The following EYS variants were observed in gnomAD, a reference collection of about 807,000 sequenced individuals.
EYS encodes EGF-like photoreceptor maintenance factor.
A neutral mutation model predicts 282.1 loss-of-function variants in EYS; 250 were observed. That is an observed-to-expected ratio of 0.89 (90% confidence interval 0.80 to 0.98). EYS has a LOEUF of 0.98. Ranked by LOEUF, EYS falls within the 50% of genes least tolerant of loss-of-function variation. EYS has a pLI of 0.00. For missense variants in EYS, 4,016 were observed against 3,709.0 expected, an observed-to-expected ratio of 1.08 and a Z score of -2.15; for synonymous variants, 1,355 against 1,282.9, an observed-to-expected ratio of 1.06 and a Z score of -1.20.
At chr6:65,235,238 G>T (rs764183907) in intron 12 of EYS, among the ~76,000 whole-genome samples, 2 of 152,112 alleles carry the variant, frequency 1.3e-5, no homozygotes, top group Admixed American at 6.6e-5. Flanking sequence ...TAGTATAACT[G>T]ATTTACTTTG....
At chr6:64,915,778 T>C (rs16896022) in intron 15 of EYS, among the ~76,000 whole-genome samples, 2,471 of 152,292 alleles carry the variant, frequency 0.016, 58 homozygotes, top group African/African-American at 0.057. Context: ...CTTTGAAATA[T>C]GTAGAAGAGA....
intron 33 of EYS, among the ~76,000 whole-genome samples, chr6:64,042,576 T>C (rs1008638479): frequency 6.6e-6 from 1 of 152,168 alleles, no homozygotes; most frequent in African/African-American, 2.4e-5. Context: ...GGAAGAAAGC[T>C]CTTTGTCCAT....
At chr6:65,048,529 T>G (rs1338159549) in intron 13 of EYS, among the ~76,000 whole-genome samples, 1 of 151,934 alleles carries the variant, frequency 6.6e-6, no homozygotes, top group African/African-American at 2.4e-5. Context: ...TAACCAATCC[T>G]ATGAAAAAAC....
intron 2 of EYS, among the ~76,000 whole-genome samples, chr6:65,626,428 T>A (rs934833338): frequency 1.3e-5 from 2 of 152,166 alleles, no homozygotes; most frequent in African/African-American, 4.8e-5. Context: ...CACTGGGAAG[T>A]CTGGAATGTC....
At chr6:65,548,373 T>A (rs1463281495) in intron 2 of EYS, among the ~76,000 whole-genome samples, 1 of 152,228 alleles carries the variant, frequency 6.6e-6, no homozygotes, top group African/African-American at 2.4e-5. Context: ...TTTCTAATTA[T>A]TATTTTTATA....
chr6:64,889,763 G>T (rs536171031), intron 18 of EYS, among the ~76,000 whole-genome samples: 1 of 151,848 alleles, frequency 6.6e-6, no homozygotes, highest in Admixed American at 6.6e-5. Flanking sequence ...GATGTATGTC[G>T]CCTCAGGACC....
chr6:64,029,225 G>A (rs1365873015), intron 33 of EYS, among the ~76,000 whole-genome samples: 1 of 152,138 alleles, frequency 6.6e-6, no homozygotes, highest in African/African-American at 2.4e-5. Flanking sequence ...AGAGAGCCGG[G>A]ATAGCTCTTT....
chr6:63,880,296 T>C (rs1825209), intron 35 of EYS, among the ~76,000 whole-genome samples: 55,584 of 151,962 alleles, frequency 0.37, 10,632 homozygotes, highest in South Asian at 0.47. Flanking sequence ...GCCTACATTT[T>C]TCTCCTGTGC....
chr6:64,290,738 G>C (rs1768675020), intron 30 of EYS, among the ~76,000 whole-genome samples: 1 of 151,668 alleles, frequency 6.6e-6, no homozygotes, highest in Non-Finnish European at 1.5e-5. Context: ...TCATATGTTC[G>C]AGTCGTAAGT....
chr6:64,857,253 A>G (rs1766092167), intron 19 of EYS, among the ~76,000 whole-genome samples: 1 of 152,110 alleles, frequency 6.6e-6, no homozygotes, highest in Non-Finnish European at 1.5e-5. Flanking sequence ...TACTGTTTTC[A>G]CTGAATCTTA....
chr6:64,739,316 T>C lies in EYS; in HGVS notation c.3443+74062A>G, dbSNP rs565151225. Among the ~76,000 whole-genome samples, 3 of 152,328 alleles carry C rather than the reference T, an allele frequency of 2.0e-5. No individual in the cohort carries two copies. In the South Asian group the frequency reaches 6.2e-4, roughly 32 times the overall value. ...TTTACTGGAGGAACTTGTAATATAG[T>C]AGTTTAAAATCTAAACAAGAGACAA... On this transcript the variant is annotated intron_variant, in intron 22 of 42. Coordinates refer to ENST00000503581, the MANE Select transcript of EYS (RefSeq NM_001142800.2).
intron 16 of EYS, among the ~76,000 whole-genome samples, chr6:64,904,323 C>T (rs539670846): frequency 7.2e-5 from 11 of 152,238 alleles, no homozygotes; most frequent in Middle Eastern, 3.4e-3. Context: ...TTCGTTCATA[C>T]GCTAGGTGTT....
intron 35 of EYS, among the ~76,000 whole-genome samples, chr6:63,945,080 A>G (rs1367478237): frequency 6.6e-6 from 1 of 152,198 alleles, no homozygotes; most frequent in East Asian, 1.9e-4. Context: ...TGACAATATG[A>G]TTTAGCCATT....
chr6:64,544,054 CA>C (rs1272297858), intron 26 of EYS, among the ~76,000 whole-genome samples: 1 of 152,154 alleles, frequency 6.6e-6, no homozygotes, highest in African/African-American at 2.4e-5. Context: ...TTATTATCTA[CA>C]AAACGGGTTT....
chr6:65,524,260 G>A (rs1350860205), intron 2 of EYS, among the ~76,000 whole-genome samples: 1 of 152,122 alleles, frequency 6.6e-6, no homozygotes, highest in East Asian at 1.9e-4. Flanking sequence ...AGAGGCATGA[G>A]GAGTCCAAAG....
chr6:63,962,862 A>G (rs925004491), intron 35 of EYS, among the ~76,000 whole-genome samples: 2 of 152,206 alleles, frequency 1.3e-5, no homozygotes, highest in African/African-American at 4.8e-5. Context: ...ACCAACCCAA[A>G]TGCCCAACAA....
At chr6:64,679,758 A>T (rs1394869437) in intron 22 of EYS, among the ~76,000 whole-genome samples, 1 of 152,002 alleles carries the variant, frequency 6.6e-6, no homozygotes, top group African/African-American at 2.4e-5. Context: ...CATTTTAATT[A>T]TTTTTTCTTT....
intron 36 of EYS, among the ~76,000 whole-genome samples, chr6:63,808,680 G>T (rs1770966291): frequency 6.6e-6 from 1 of 152,148 alleles, no homozygotes; most frequent in Non-Finnish European, 1.5e-5. Flanking sequence ...AAGTACTTTT[G>T]AAGTTTGAGA....
At chr6:63,841,724 A>G (rs770960382) in intron 36 of EYS, among the ~76,000 whole-genome samples, 1 of 152,018 alleles carries the variant, frequency 6.6e-6, no homozygotes, top group Non-Finnish European at 1.5e-5. Context: ...CCCATCATCT[A>G]TATTAGGTAT....
Sources: gnomAD v4.1 joint callset for allele counts (sites outside exome capture counted in the v4.1 genomes callset) on GRCh38, gnomAD v4.1.1 for gene constraint, MANE v1.5 for transcripts, NCBI Gene and HGNC (gene_info 2026-07-23, HGNC 2026-07-21) for gene names.